PCDHA7: variants seen among roughly 807,000 people sequenced by gnomAD.
The protein encoded by PCDHA7 is protocadherin alpha 7, also known as protocadherin alpha-7.
In PCDHA7, 37 loss-of-function variants were observed where a neutral mutation model predicts 57.2. That is an observed-to-expected ratio of 0.65 (90% CI 0.50 to 0.85). The LOEUF (loss-of-function observed/expected upper bound fraction) is 0.85. Among genes scored for constraint, PCDHA7 ranks in the 40% least tolerant of loss-of-function variants. PCDHA7 has a pLI of 0.00. For missense variants in PCDHA7, 1,188 were observed against 1,241.8 expected, an observed-to-expected ratio of 0.96 and a Z score of 0.65; for synonymous variants, 553 against 558.8, an observed-to-expected ratio of 0.99 and a Z score of 0.15.
intron 1 of PCDHA7, chr5:140,869,665 C>G: frequency 6.2e-7 from 1 of 1,613,338 alleles, no homozygotes; most frequent in Non-Finnish European, 8.5e-7. Flanking sequence ...AAATGGTAAG[C>G]AGATTAAAAG....
At chr5:140,927,436 T>A (rs776039540) in intron 1 of PCDHA7, 1 of 1,614,132 alleles carries the variant, frequency 6.2e-7, no homozygotes, top group Non-Finnish European at 8.5e-7. Context: ...CGGCAGCGAA[T>A]ACCCGGAGTT....
chr5:140,849,915 A>G (rs1554143492), intron 1 of PCDHA7: 3 of 1,598,260 alleles, frequency 1.9e-6, no homozygotes, highest in Non-Finnish European at 2.6e-6. Flanking sequence ...GGGCTGCCAC[A>G]TCTTCACGGT....
chr5:140,968,869 C>T, intron 1 of PCDHA7: 1 of 1,614,210 alleles, frequency 6.2e-7, no homozygotes, highest in Non-Finnish European at 8.5e-7. Flanking sequence ...CTCGGACATA[C>T]TCTGAAATTA....
intron 1 of PCDHA7, among the ~76,000 whole-genome samples, chr5:140,905,229 G>A (rs2071688415): frequency 6.6e-6 from 1 of 152,156 alleles, no homozygotes; most frequent in African/African-American, 2.4e-5. Flanking sequence ...TGAGAGATGA[G>A]GATCCAGTTT....
chr5:141,010,545 A>G lies in PCDHA7; in HGVS notation c.*608A>G. On this transcript the variant is annotated 3_prime_UTR_variant, in exon 4 of 4. Coordinates refer to ENST00000525929, the MANE Select transcript of PCDHA7 (RefSeq NM_018910.3). ...GGTGGCAGCCACCCTCTAGGAGACAAAACTACCCCCACTGACAAGGCTTTA... is the reference window on the plus strand; with the variant it reads ...GGTGGCAGCCACCCTCTAGGAGACAGAACTACCCCCACTGACAAGGCTTTA... 1 of 343,382 alleles carries G rather than the reference A, an allele frequency of 2.9e-6. No individual in the cohort carries two copies. 21.3% of individuals were successfully genotyped at this position (343,382 alleles called of 1,614,324 possible).
At position 140,876,596 on chromosome 5, in the gene PCDHA7, C is replaced by G. The variant is rs1361945795; in HGVS notation, c.2355+39858C>G. ...ACCGTCATTGCCCTGATTAGCGTGT[C>G]GGATCGTGACTCTGGAGCCAATGGA... On this transcript the variant is annotated intron_variant, in intron 1 of 3. Transcript: ENST00000525929. The G allele has an allele frequency of 3.1e-6, 5 of 1,614,040 alleles. No individual in the cohort carries two copies. In the East Asian group the frequency reaches 8.9e-5, roughly 29 times the overall value.
chr5:140,928,835 C>G (rs782027566), intron 1 of PCDHA7: 1 of 1,614,036 alleles, frequency 6.2e-7, no homozygotes, highest in African/African-American at 1.3e-5. Context: ...CCACTTTCCT[C>G]CTCTGTCACT....
chr5:140,919,648 G>A (rs1482168238), intron 1 of PCDHA7, among the ~76,000 whole-genome samples: 7 of 151,936 alleles, frequency 4.6e-5, no homozygotes, highest in Non-Finnish European at 7.4e-5. Flanking sequence ...TTTCTCTAGA[G>A]TTTACCATAT....
intron 1 of PCDHA7, among the ~76,000 whole-genome samples, chr5:140,895,640 T>G (rs1554186577): frequency 6.6e-6 from 1 of 152,220 alleles, no homozygotes; most frequent in Non-Finnish European, 1.5e-5. Flanking sequence ...ACATTCTTTT[T>G]TAGCTCCCAC....
At chr5:140,997,291 G>C (rs2097766119) in intron 3 of PCDHA7, among the ~76,000 whole-genome samples, 1 of 152,030 alleles carries the variant, frequency 6.6e-6, no homozygotes, top group African/African-American at 2.4e-5. Flanking sequence ...TTAACAATGG[G>C]GATACACTGA....
Position 140,847,092 on chromosome 5 carries a change from G to T in PCDHA7, c.2355+10354G>T, listed in dbSNP as rs1176748439. ...ATGACAAGTAGAAAAGTCCACTTTG[G>T]TTAAAACACACAGTCTGCAGAGAAT... On this transcript the variant is annotated intron_variant, in intron 1 of 3. Coordinates refer to ENST00000525929, the MANE Select transcript of PCDHA7 (RefSeq NM_018910.3). 2.7e-5 allele frequency among the ~76,000 whole-genome samples: 4 copies of T among 149,688 alleles called. 1 individual carries two copies. The highest frequency in any genetic ancestry group is 4.9e-5 in the African/African-American group (2 of 40,860).
chr5:140,996,678 G>T (rs922990686), intron 3 of PCDHA7, among the ~76,000 whole-genome samples: 28 of 152,162 alleles, frequency 1.8e-4, no homozygotes, highest in African/African-American at 6.7e-4. Context: ...AACCATGTTG[G>T]GCTAGTATTC....
At chr5:140,856,935 A>T in intron 1 of PCDHA7, 1 of 1,594,236 alleles carries the variant, frequency 6.3e-7, no homozygotes, top group Non-Finnish European at 8.6e-7. Context: ...TGGATAAACG[A>T]AAGGACGGGA....
intron 1 of PCDHA7, chr5:140,861,770 C>CCAAT (rs386405128): frequency 6.2e-6 from 1 of 161,486 alleles, no homozygotes; most frequent in Non-Finnish European, 1.3e-5. Flanking sequence ...CCTGGAAATA[C>CCAAT]CAAGAGCAGG....
At chr5:140,877,270 G>C in intron 1 of PCDHA7, 2 of 1,613,864 alleles carry the variant, frequency 1.2e-6, no homozygotes, top group Non-Finnish European at 1.7e-6. Context: ...GGTGGACGCT[G>C]ACTCCGGCTA....
At chr5:140,858,256 G>T in intron 1 of PCDHA7, 1 of 1,596,658 alleles carries the variant, frequency 6.3e-7, no homozygotes. Flanking sequence ...TGAAGCCCAC[G>T]CTGGTGTGCT....
chr5:140,896,214 G>C (rs1265727629), intron 1 of PCDHA7, among the ~76,000 whole-genome samples: 4 of 152,208 alleles, frequency 2.6e-5, no homozygotes, highest in Non-Finnish European at 5.9e-5. Context: ...ACACATACAT[G>C]TGTCTTTATA....
chr5:140,856,991 T>TA lies in PCDHA7; in HGVS notation c.2355+20254dup, dbSNP rs781903903. ...TATTGACTTTGAGGACAGTAACACT[T>TA]ATGAAATTCATGTAGATGTTACAGA... On this transcript the variant is annotated intron_variant, in intron 1 of 3. Transcript: ENST00000525929. 5.6e-6 allele frequency: 9 copies of TA among 1,595,654 alleles called. No homozygotes were observed. The East Asian group carries it at 1.8e-4, about 32-fold the overall frequency.
At chr5:140,857,244 C>G in intron 1 of PCDHA7, 1 of 1,598,592 alleles carries the variant, frequency 6.3e-7, no homozygotes, top group Non-Finnish European at 8.6e-7. Context: ...CTGGTGTCCA[C>G]CTACAAGAAT....
Sources: allele counts gnomAD v4.1 joint callset (sites outside exome capture counted in the v4.1 genomes callset), GRCh38; gene constraint gnomAD v4.1.1; transcripts MANE v1.5; gene names NCBI Gene and HGNC (gene_info 2026-07-23, HGNC 2026-07-21).